The following SGCG variants were observed in gnomAD, a reference collection of about 807,000 sequenced individuals.
The protein encoded by SGCG is gamma-sarcoglycan.
In SGCG, 26 loss-of-function variants were observed where a neutral mutation model predicts 29.3. That is an observed-to-expected ratio of 0.89 (90% CI 0.65 to 1.23). SGCG has a LOEUF of 1.23. Among genes scored for constraint, SGCG ranks in the 50% most tolerant of loss-of-function variants. The pLI, the probability that SGCG is intolerant of heterozygous loss-of-function variation, is 0.00. For missense variants in SGCG, 353 were observed against 356.0 expected, an observed-to-expected ratio of 0.99 and a Z score of 0.07; for synonymous variants, 145 against 129.7, an observed-to-expected ratio of 1.12 and a Z score of -0.80.
At chr13:23,223,926 A>T (rs111272029) in intron 2 of SGCG, among the ~76,000 whole-genome samples, 13,238 of 152,142 alleles carry the variant, frequency 0.087, 645 homozygotes, top group South Asian at 0.1. Flanking sequence ...AGATCACGCC[A>T]TTGCATGCCA....
chr13:23,173,049 G>A, the SGCG span, among the ~76,000 whole-genome samples: 1 of 152,172 alleles, frequency 6.6e-6, no homozygotes, highest in Non-Finnish European at 1.5e-5. Context: ...TTGAAAAACA[G>A]ACAAAAGAAT....
chr13:23,226,065 G>T (rs1366924077), intron 2 of SGCG, among the ~76,000 whole-genome samples: 1 of 151,996 alleles, frequency 6.6e-6, no homozygotes, highest in Admixed American at 6.5e-5. Context: ...TGCCCTTCCT[G>T]TTCCACTTGT....
At chr13:23,319,059 G>A (rs1882932451) in intron 6 of SGCG, among the ~76,000 whole-genome samples, 2 of 152,168 alleles carry the variant, frequency 1.3e-5, no homozygotes, top group Admixed American at 1.3e-4. Flanking sequence ...CAGCACTTTG[G>A]GAGGCCAAGG....
At chr13:23,278,658 C>T (rs1566028282) in intron 4 of SGCG, among the ~76,000 whole-genome samples, 1 of 152,112 alleles carries the variant, frequency 6.6e-6, no homozygotes. Flanking sequence ...ACCTCACCCT[C>T]ACATGTCTGG....
At chr13:23,184,728 C>A (rs1876902566) in intron 1 of SGCG, among the ~76,000 whole-genome samples, 1 of 152,228 alleles carries the variant, frequency 6.6e-6, no homozygotes, top group South Asian at 2.1e-4. Flanking sequence ...TGGCCTCAGC[C>A]CACACCTTGC....
At chr13:23,293,817 T>C (rs1178235565) in intron 5 of SGCG, among the ~76,000 whole-genome samples, 2 of 133,968 alleles carry the variant, frequency 1.5e-5, no homozygotes, top group Non-Finnish European at 3.2e-5. Context: ...GGTGACAGAG[T>C]GAGATTCCGT....
upstream of SGCG, among the ~76,000 whole-genome samples, chr13:23,177,383 A>G (rs1195841626): frequency 6.6e-6 from 1 of 152,152 alleles, no homozygotes; most frequent in Non-Finnish European, 1.5e-5. Flanking sequence ...CCTTAAAGAA[A>G]TTATAAATGT....
At chr13:23,265,241 A>G (rs1880591078) in intron 4 of SGCG, among the ~76,000 whole-genome samples, 1 of 151,594 alleles carries the variant, frequency 6.6e-6, no homozygotes, top group South Asian at 2.1e-4. Flanking sequence ...ACGAGGAAAT[A>G]AAACAGATCA....
chr13:23,240,569 C>A (rs902333349), intron 3 of SGCG, among the ~76,000 whole-genome samples: 1 of 152,122 alleles, frequency 6.6e-6, no homozygotes, highest in Admixed American at 6.5e-5. Flanking sequence ...TATTTTGAAC[C>A]ATAAAACAAT....
intron 2 of SGCG, among the ~76,000 whole-genome samples, chr13:23,219,827 CT>C (rs1184090222): frequency 2.6e-3 from 262 of 99,226 alleles, no homozygotes; most frequent in African/African-American, 5.1e-3. Context: ...ATTTCTTTTC[CT>C]TTTTTTTTTT....
At chr13:23,234,777 A>T in intron 3 of SGCG, 65 bp downstream of exon 3, 1 of 1,074,364 alleles carries the variant, frequency 9.3e-7, no homozygotes, top group Non-Finnish European at 1.5e-6. Context: ...AAGCACAAAA[A>T]TTCAGTACAG....
At chr13:23,234,310 C>A (rs1439790482) in intron 2 of SGCG, among the ~76,000 whole-genome samples, 1 of 151,768 alleles carries the variant, frequency 6.6e-6, no homozygotes. Flanking sequence ...TTTTATTGTA[C>A]CTTAATTTAA....
intron 2 of SGCG, among the ~76,000 whole-genome samples, chr13:23,213,879 G>T (rs114625723): frequency 0.014 from 2,112 of 152,250 alleles, 63 homozygotes; most frequent in African/African-American, 0.049. Flanking sequence ...GGGTGGTTTT[G>T]CTCTGCTCCC....
At chr13:23,276,081 G>A (rs998679216) in intron 4 of SGCG, among the ~76,000 whole-genome samples, 3 of 151,850 alleles carry the variant, frequency 2.0e-5, no homozygotes, top group Admixed American at 2.0e-4. Flanking sequence ...TGTACAGATA[G>A]CTCTTTTCTT....
chr13:23,214,043 T>G (rs1301684702), intron 2 of SGCG, among the ~76,000 whole-genome samples: 1 of 152,174 alleles, frequency 6.6e-6, no homozygotes, highest in East Asian at 1.9e-4. Flanking sequence ...ACCCTTCTGG[T>G]CTTAAAGCTT....
At chr13:23,201,650 A>G (rs947455254) in intron 1 of SGCG, among the ~76,000 whole-genome samples, 2 of 152,178 alleles carry the variant, frequency 1.3e-5, no homozygotes, top group African/African-American at 2.4e-5. Flanking sequence ...GACCTCCACA[A>G]CTATAAGATA....
chr13:23,225,132 C>G (rs936906888), intron 2 of SGCG, among the ~76,000 whole-genome samples: 5 of 152,170 alleles, frequency 3.3e-5, no homozygotes, highest in African/African-American at 7.2e-5. Flanking sequence ...CCACCTCATC[C>G]TCAGTGAGTG....
chr13:23,292,825 T>C (rs4307806), intron 5 of SGCG, among the ~76,000 whole-genome samples: 100,252 of 152,090 alleles, frequency 0.66, 34,012 homozygotes, highest in African/African-American at 0.76. Context: ...TCAAACAATG[T>C]TACATAAACC....
intron 5 of SGCG, among the ~76,000 whole-genome samples, chr13:23,288,032 C>T (rs112867288): frequency 0.01 from 1,541 of 152,300 alleles, 27 homozygotes; most frequent in African/African-American, 0.035. Context: ...GGATTACAGG[C>T]GTGAGCCACT....
Sources: allele counts gnomAD v4.1 joint callset (sites outside exome capture counted in the v4.1 genomes callset), GRCh38; gene constraint gnomAD v4.1.1; transcripts MANE v1.5; gene names NCBI Gene and HGNC (gene_info 2026-07-23, HGNC 2026-07-21).